The following UTY variants were observed in gnomAD, a reference collection of about 807,000 sequenced individuals.
The protein encoded by UTY is histone demethylase UTY.
In UTY, 12 loss-of-function variants were observed where a neutral mutation model predicts 32.5. The observed-to-expected ratio is 0.37, with a 90% CI of 0.24 to 0.60. UTY has a LOEUF of 0.60. UTY is among the 20% of genes least tolerant of loss of function. The pLI, the probability that UTY is intolerant of heterozygous loss-of-function variation, is 0.69. For synonymous variants in UTY, 131 were observed against 103.4 expected (o/e 1.27, Z -1.62); for missense variants, 303 against 299.2 (o/e 1.01, Z -0.09).
chrY:13,438,472 T>C (rs1006874649), intron 4 of UTY, among the ~76,000 whole-genome samples: 1 of 33,608 alleles, frequency 3.0e-5, no homozygotes, highest in Admixed American at 2.7e-4. Context: ...GAAGTTAACT[T>C]TCAGGTGCCA....
chrY:13,266,778 T>C (rs2148492943), intron 27 of UTY, among the ~76,000 whole-genome samples: 1 of 33,603 alleles, frequency 3.0e-5, no homozygotes, highest in East Asian at 7.7e-4. Flanking sequence ...CCAGTAGTCA[T>C]TCAGGAACAG....
At chrY:13,476,150 G>A in intron 2 of UTY, 6 of 152,158 alleles carry the variant, frequency 3.9e-5, no homozygotes, top group Non-Finnish European at 4.9e-5. Flanking sequence ...TATGTCCAAC[G>A]TTGTACCCAA....
At position 13,355,978 on chromosome Y, in the gene UTY, G is replaced by A; in HGVS notation, c.1610C>T (p.Pro537Leu). 1 of 391,692 alleles carries A rather than the reference G, an allele frequency of 2.6e-6. No homozygotes were observed. Among genetic ancestry groups the A allele is most frequent in the South Asian group, 3.1e-5 (1 of 32,264 alleles). ...CTGTTCCAGCTGATGCTTCTGTGCT[G>A]GATTTAAATTATCTCTATTTGCTCG... is the stretch of plus-strand genomic sequence containing the variant. ...QLRANRDNLN[P>L]AQKHQLEQLE... The change falls in exon 16 of 30, where the codon CCA becomes CTA. Residue 537 changes from proline (P) to leucine (L), a missense_variant. Physicochemically the swap from Pro to Leu is moderately conservative, Grantham distance 98. Coordinates refer to ENST00000545955, the MANE Select transcript of UTY (RefSeq NM_001258249.2).
intron 6 of UTY, among the ~76,000 whole-genome samples, chrY:13,400,362 AC>A (rs1216761607): frequency 1.1e-3 from 36 of 33,125 alleles, no homozygotes; most frequent in Non-Finnish European, 2.2e-3. Flanking sequence ...CTTTCCTGAA[AC>A]AAAAAGACTA....
In UTY at chrY:13,236,227, T is replaced by G. The variant is rs753418349; in HGVS notation, c.*1477-1401A>C. ...AAGAAAATTTTGCTTTAAAAAAACT[T>G]GTGAGTGAAATCACAAAATATCAAT... On this transcript the variant is annotated intron_variant and NMD_transcript_variant, in intron 28 of 28. Coordinates refer to the UTY transcript ENST00000682112. Among the ~76,000 whole-genome samples the G allele has an allele frequency of 2.2e-4, 7 of 32,475 alleles. No individual in the cohort carries two copies. In the East Asian group the frequency reaches 5.4e-3, roughly 25 times the overall value. The allele number at this position is 32,475 out of a possible 37,273, so 87.1% of individuals were successfully genotyped here. A position where few individuals can be genotyped will look rare whatever the true frequency, so the allele number is the denominator to read the frequency against.
intron 4 of UTY, among the ~76,000 whole-genome samples, chrY:13,431,995 C>T (rs73621774): frequency 0.22 from 7,156 of 32,960 alleles, no homozygotes; most frequent in African/African-American, 0.69. Context: ...AGCAAATAAC[C>T]TGAAAAAGAT....
intron 3 of UTY, among the ~76,000 whole-genome samples, chrY:13,459,155 A>G: frequency 3.1e-5 from 1 of 32,454 alleles, no homozygotes; most frequent in Non-Finnish European, 7.5e-5. Flanking sequence ...AACTTAAAGT[A>G]TAATAATAAT....
At chrY:13,466,855 T>C in intron 3 of UTY, among the ~76,000 whole-genome samples, 1 of 34,244 alleles carries the variant, frequency 2.9e-5, no homozygotes, top group African/African-American at 1.1e-4. Flanking sequence ...TTCATTTTAT[T>C]TTCTTCTCTA....
intron 4 of UTY, among the ~76,000 whole-genome samples, chrY:13,443,415 A>G: frequency 5.9e-5 from 2 of 33,670 alleles, no homozygotes; most frequent in Non-Finnish European, 1.5e-4. Flanking sequence ...TCACAGGTTA[A>G]ATAATTTACT....
At chrY:13,382,388 C>T in intron 8 of UTY, among the ~76,000 whole-genome samples, 1 of 32,883 alleles carries the variant, frequency 3.0e-5, no homozygotes, top group Non-Finnish European at 7.5e-5. Context: ...GTTCTAGTAC[C>T]CCAGAAGATA....
intron 21 of UTY, among the ~76,000 whole-genome samples, chrY:13,311,088 C>CA (rs747138715): frequency 1.8e-3 from 34 of 19,328 alleles, no homozygotes; most frequent in African/African-American, 5.3e-3. Context: ...ACTCCGTCCC[C>CA]AAAAAAAAAA....
intron 6 of UTY, among the ~76,000 whole-genome samples, chrY:13,401,116 A>G (rs2068957889): frequency 3.0e-5 from 1 of 33,762 alleles, no homozygotes; most frequent in African/African-American, 1.2e-4. Context: ...TGCTGTCATC[A>G]GAAGAGTGGG....
intron 8 of UTY, among the ~76,000 whole-genome samples, chrY:13,374,095 T>C: frequency 2.7e-4 from 9 of 33,647 alleles, no homozygotes; most frequent in African/African-American, 9.3e-4. Context: ...ATTTTTATTT[T>C]TTGAGAGCTC....
intron 26 of UTY, among the ~76,000 whole-genome samples, chrY:13,298,185 A>G (rs948755270): frequency 3.0e-5 from 1 of 33,307 alleles, no homozygotes; most frequent in Admixed American, 2.7e-4. Flanking sequence ...CAAAAAAATA[A>G]AACTTGCCCA....
In UTY at chrY:13,477,607, T is replaced by C. The variant is rs773850691; in HGVS notation, c.216+1647A>G. Among the ~76,000 whole-genome samples the C allele has an allele frequency of 3.0e-4, 10 of 33,276 alleles. No individual in the cohort carries two copies. The South Asian group carries it at 6.6e-3, about 22-fold the overall frequency. 89.3% of individuals were successfully genotyped at this position (33,276 alleles called of 37,273 possible). The stretch of plus-strand genomic sequence containing the variant: ...TTACTGTAATCAAAATTGGAAAGGA[T>C]CAATATGTGAAAAAAAAATTCCTTA... On this transcript the variant is annotated intron_variant, in intron 2 of 29. Coordinates refer to ENST00000545955, the MANE Select transcript of UTY (RefSeq NM_001258249.2).
chrY:13,468,403 C>T (rs546670905), intron 3 of UTY, among the ~76,000 whole-genome samples: 1 of 33,220 alleles, frequency 3.0e-5, no homozygotes, highest in African/African-American at 1.2e-4. Flanking sequence ...AGGCCGGGTG[C>T]GGTGGCTCAC....
chrY:13,247,839 G>A (rs2053967213), downstream of UTY, among the ~76,000 whole-genome samples: 1 of 33,718 alleles, frequency 3.0e-5, no homozygotes, highest in Non-Finnish European at 7.4e-5. Context: ...AAAGAGTTAA[G>A]ACATAAGATG....
At chrY:13,265,126 C>CA (rs2055662943) in intron 27 of UTY, among the ~76,000 whole-genome samples, 1 of 33,663 alleles carries the variant, frequency 3.0e-5, no homozygotes, top group South Asian at 6.5e-4. Context: ...CAGTACCATG[C>CA]TGTTTTGGTT....
chrY:13,449,297 TC>T (rs2076135034), intron 3 of UTY, among the ~76,000 whole-genome samples: 1 of 33,358 alleles, frequency 3.0e-5, no homozygotes, highest in Non-Finnish European at 7.5e-5. Flanking sequence ...ATTACTTGAA[TC>T]AATTTGACCT....
Sources: allele counts gnomAD v4.1 joint callset (sites outside exome capture counted in the v4.1 genomes callset), GRCh38; gene constraint gnomAD v4.1.1; transcripts MANE v1.5; gene names NCBI Gene and HGNC (gene_info 2026-07-23, HGNC 2026-07-21).